TRPM3: variants seen among roughly 807,000 people sequenced by gnomAD.
TRPM3 encodes long transient receptor potential channel 3.
A neutral mutation model predicts 181.2 loss-of-function variants in TRPM3; 77 were observed. The ratio of observed to expected loss-of-function variants is 0.42; its 90% confidence interval spans 0.35 to 0.51. The LOEUF is 0.51. TRPM3 is among the 20% of genes least tolerant of loss of function. The probability of loss-of-function intolerance (pLI) is 0.01; values close to 1 mark genes in which losing one functional copy is unlikely to be tolerated. For synonymous variants in TRPM3, 745 were observed against 796.4 expected (o/e 0.94, Z 1.09); for missense variants, 1,759 against 2,196.7 (o/e 0.80, Z 3.98).
intron 1 of TRPM3, among the ~76,000 whole-genome samples, chr9:70,933,335 G>A (rs1302342782): frequency 3.9e-5 from 6 of 152,190 alleles, no homozygotes; most frequent in African/African-American, 1.4e-4. Context: ...AGAGAGTAAA[G>A]GGTAAGAGGA....
At chr9:71,369,543 C>A (rs776447949) in intron 1 of TRPM3, among the ~76,000 whole-genome samples, 21 of 152,076 alleles carry the variant, frequency 1.4e-4, no homozygotes, top group Non-Finnish European at 2.9e-5. Context: ...CTCACTCTGT[C>A]GCCAGGCTGG....
At chr9:71,401,236 T>A (rs1386136234) in intron 1 of TRPM3, among the ~76,000 whole-genome samples, 5 of 148,952 alleles carry the variant, frequency 3.4e-5, no homozygotes, top group Admixed American at 3.3e-4. Flanking sequence ...ATATGGCTAG[T>A]AACCTCTGCT....
chr9:70,938,474 CT>C (rs1200100401), intron 1 of TRPM3, among the ~76,000 whole-genome samples: 1 of 152,022 alleles, frequency 6.6e-6, no homozygotes, highest in South Asian at 2.1e-4. Context: ...TTAATCCTGT[CT>C]TTTTTTTCTA....
chr9:70,550,882 A>G (rs1674681038), intron 24 of TRPM3, among the ~76,000 whole-genome samples: 1 of 152,208 alleles, frequency 6.6e-6, no homozygotes, highest in Admixed American at 6.5e-5. Context: ...TGAGGTGAGG[A>G]AGACCTGTAT....
chr9:71,227,187 A>G (rs1449285599), intron 1 of TRPM3, among the ~76,000 whole-genome samples: 1 of 151,882 alleles, frequency 6.6e-6, no homozygotes, highest in Non-Finnish European at 1.5e-5. Context: ...CTAGAAATCA[A>G]TAACAAGAAG....
intron 1 of TRPM3, among the ~76,000 whole-genome samples, chr9:71,437,198 TGAAG>T (rs1354856407): frequency 1.3e-5 from 2 of 152,174 alleles, no homozygotes; most frequent in African/African-American, 2.4e-5. Flanking sequence ...AAATAGTTGA[TGAAG>T]GAAGTTTCTG....
chr9:70,817,950 T>G (rs938885680), intron 6 of TRPM3, among the ~76,000 whole-genome samples: 2 of 151,780 alleles, frequency 1.3e-5, no homozygotes, highest in South Asian at 4.2e-4. Context: ...ATATTTTTGG[T>G]TTTTTTTGGA....
chr9:71,410,766 G>A (rs1244813878), intron 1 of TRPM3, among the ~76,000 whole-genome samples: 1 of 152,194 alleles, frequency 6.6e-6, no homozygotes, highest in Non-Finnish European at 1.5e-5. Flanking sequence ...TATGAGGCCA[G>A]CATCATCCTG....
At chr9:71,136,552 T>C (rs1214236467) in intron 1 of TRPM3, among the ~76,000 whole-genome samples, 2 of 152,196 alleles carry the variant, frequency 1.3e-5, no homozygotes, top group African/African-American at 4.8e-5. Context: ...AATATCCTCC[T>C]CCTGAACACA....
intron 1 of TRPM3, among the ~76,000 whole-genome samples, chr9:71,421,884 T>C (rs2093781018): frequency 6.6e-6 from 1 of 152,040 alleles, no homozygotes; most frequent in South Asian, 2.1e-4. Flanking sequence ...TGGTTTGTCG[T>C]TGACCACATC....
chr9:70,689,430 A>G (rs2067874737), intron 8 of TRPM3, among the ~76,000 whole-genome samples: 1 of 152,058 alleles, frequency 6.6e-6, no homozygotes, highest in African/African-American at 2.4e-5. Context: ...TTTTTACACT[A>G]TCGATGAATA....
intron 1 of TRPM3, among the ~76,000 whole-genome samples, chr9:70,958,708 G>A (rs1264567378): frequency 2.0e-5 from 3 of 151,920 alleles, no homozygotes; most frequent in Non-Finnish European, 2.9e-5. Context: ...ACATGCACAC[G>A]TATGTTTATT....
chr9:70,831,975 A>ATTTT (rs766965104), intron 5 of TRPM3, among the ~76,000 whole-genome samples: 1 of 91,106 alleles, frequency 1.1e-5, no homozygotes, highest in African/African-American at 4.6e-5. Flanking sequence ...ATATATATAT[A>ATTTT]TATATATATA....
intron 1 of TRPM3, among the ~76,000 whole-genome samples, chr9:71,191,402 C>T (rs2078011210): frequency 6.6e-6 from 1 of 151,868 alleles, no homozygotes; most frequent in Non-Finnish European, 1.5e-5. Context: ...ATGCTTTCCA[C>T]AGCTAACCTC....
chr9:70,545,745 A>C (rs1970249), intron 25 of TRPM3, among the ~76,000 whole-genome samples: 1 of 151,826 alleles, frequency 6.6e-6, no homozygotes. Context: ...ATGGGGTTTC[A>C]CCATGGTGGC....
intron 1 of TRPM3, among the ~76,000 whole-genome samples, chr9:71,401,761 C>A (rs1450091915): frequency 6.6e-6 from 1 of 152,140 alleles, no homozygotes; most frequent in Non-Finnish European, 1.5e-5. Flanking sequence ...GATGGGAAGG[C>A]AAAGCACTTG....
At chr9:71,420,690 G>GAGAGAGAGA in intron 1 of TRPM3, among the ~76,000 whole-genome samples, 1 of 6,808 alleles carries the variant, frequency 1.5e-4, no homozygotes, top group Non-Finnish European at 2.7e-4. Flanking sequence ...AAAGAGAAAG[G>GAGAGAGAGA]GAAAGAGAAA....
chr9:71,210,917 T>C (rs2079455105), intron 1 of TRPM3, among the ~76,000 whole-genome samples: 1 of 152,226 alleles, frequency 6.6e-6, no homozygotes, highest in South Asian at 2.1e-4. Flanking sequence ...TAAGAAGGCA[T>C]ACACTCTGGT....
intron 1 of TRPM3, among the ~76,000 whole-genome samples, chr9:71,047,410 A>G (rs1190380703): frequency 6.6e-6 from 1 of 152,158 alleles, no homozygotes; most frequent in East Asian, 1.9e-4. Flanking sequence ...GAAAATTTTA[A>G]TAATTTTTTT....
Sources: gnomAD v4.1 joint callset for allele counts (sites outside exome capture counted in the v4.1 genomes callset) on GRCh38, gnomAD v4.1.1 for gene constraint, MANE v1.5 for transcripts, NCBI Gene and HGNC (gene_info 2026-07-23, HGNC 2026-07-21) for gene names.